Variants in ULK4 observed in about 807,000 individuals in gnomAD.
ULK4 encodes the protein inactive serine/threonine-protein kinase ULK4.
ULK4 carries 133 observed loss-of-function variants against 160.6 expected under a neutral mutation model. That is an observed-to-expected ratio of 0.83 (90% CI 0.72 to 0.96). ULK4 has a LOEUF of 0.96. ULK4 is among the 40% of genes least tolerant of loss of function. The pLI is 0.00. For synonymous variants in ULK4, 534 were observed against 539.8 expected (o/e 0.99, Z 0.15); for missense variants, 1,580 against 1,499.5 (o/e 1.05, Z -0.89).
chr3:41,294,296 T>C (rs1380194573), intron 35 of ULK4, among the ~76,000 whole-genome samples: 2 of 152,212 alleles, frequency 1.3e-5, no homozygotes, highest in Non-Finnish European at 2.9e-5. Context: ...CAAGGTGCCA[T>C]CTTGGAAGCA....
intron 17 of ULK4, chr3:41,882,369 T>C: frequency 1.5e-6 from 1 of 685,812 alleles, no homozygotes; most frequent in Non-Finnish European, 2.6e-6. Context: ...GGTTTGGAAA[T>C]TACAGGGTGG....
chr3:41,393,548 T>C (rs1172893315), intron 35 of ULK4, among the ~76,000 whole-genome samples: 4 of 152,132 alleles, frequency 2.6e-5, no homozygotes, highest in South Asian at 4.1e-4. Flanking sequence ...AAATGACTGT[T>C]CCGTCGGAAC....
intron 30 of ULK4, among the ~76,000 whole-genome samples, chr3:41,618,745 T>G (rs904876812): frequency 2.0e-5 from 3 of 152,122 alleles, no homozygotes; most frequent in Non-Finnish European, 2.9e-5. Context: ...GCTAGCATCA[T>G]GATGACAGGA....
At chr3:41,959,363 C>CA (rs5848611) in intron 1 of ULK4, among the ~76,000 whole-genome samples, 94,344 of 133,020 alleles carry the variant, frequency 0.71, 35,427 homozygotes, top group East Asian at 0.83. Flanking sequence ...GATTCCATCT[C>CA]AAAAAAAAAA....
At chr3:41,431,206 G>C (rs928219403) in intron 34 of ULK4, among the ~76,000 whole-genome samples, 3 of 151,946 alleles carry the variant, frequency 2.0e-5, no homozygotes, top group African/African-American at 7.2e-5. Context: ...AAATTAGCTG[G>C]GCGTAGTGAG....
chr3:41,360,078 G>GA (rs748096237), intron 35 of ULK4, among the ~76,000 whole-genome samples: 19 of 150,666 alleles, frequency 1.3e-4, no homozygotes, highest in East Asian at 2.0e-4. Context: ...ACATTTACAG[G>GA]AAAAAAAACC....
intron 31 of ULK4, among the ~76,000 whole-genome samples, chr3:41,610,071 C>T (rs1028027535): frequency 5.3e-5 from 8 of 150,404 alleles, no homozygotes; most frequent in African/African-American, 2.0e-4. Context: ...GGCTGGAATG[C>T]AGTGGCGTGA....
In ULK4 at chr3:41,390,495, C is replaced by T. The variant is rs567105456; in HGVS notation, c.3678+7584G>A. On this transcript the variant is annotated intron_variant, in intron 35 of 36. Coordinates refer to ENST00000301831, the MANE Select transcript of ULK4 (RefSeq NM_017886.4). ...TTTGGATCTTTCCTGCTTTCTCTTA[C>T]GGGCATTTAGTGCTATAAATTTCCC... 3.7e-3 allele frequency among the ~76,000 whole-genome samples: 563 copies of T among 151,992 alleles called. 2 individuals carry two copies. The highest frequency in any genetic ancestry group is 0.013 in the African/African-American group (521 of 41,488).
chr3:41,293,298 A>G (rs1328421374), intron 35 of ULK4, among the ~76,000 whole-genome samples: 1 of 152,190 alleles, frequency 6.6e-6, no homozygotes, highest in Non-Finnish European at 1.5e-5. Flanking sequence ...AAAAAACATG[A>G]AAAACAAAGC....
intron 35 of ULK4, among the ~76,000 whole-genome samples, chr3:41,275,239 T>C (rs1475187561): frequency 2.0e-5 from 3 of 152,250 alleles, no homozygotes; most frequent in African/African-American, 4.8e-5. Flanking sequence ...GGATCAGTGA[T>C]CCATTACTAC....
chr3:41,406,926 A>G (rs1376315553), intron 34 of ULK4, among the ~76,000 whole-genome samples: 1 of 152,138 alleles, frequency 6.6e-6, no homozygotes, highest in Admixed American at 6.6e-5. Context: ...GAGGTCTCCT[A>G]TTTTCCCAGA....
intron 35 of ULK4, among the ~76,000 whole-genome samples, chr3:41,266,711 A>G (rs2079040939): frequency 6.6e-6 from 1 of 152,184 alleles, no homozygotes; most frequent in African/African-American, 2.4e-5. Context: ...GTTCAAATTC[A>G]AAGGTATTCT....
At chr3:41,343,423 G>A (rs1213465108) in intron 35 of ULK4, among the ~76,000 whole-genome samples, 2 of 147,316 alleles carry the variant, frequency 1.4e-5, no homozygotes, top group East Asian at 4.0e-4. Context: ...TCCTGCCTCA[G>A]TCTCCTGGGT....
chr3:41,599,432 G>T (rs1244380820), intron 31 of ULK4, among the ~76,000 whole-genome samples: 3 of 152,168 alleles, frequency 2.0e-5, no homozygotes, highest in Non-Finnish European at 2.9e-5. Context: ...ACAGGTTTCA[G>T]GGATTAGGGC....
intron 31 of ULK4, among the ~76,000 whole-genome samples, chr3:41,588,842 A>G (rs2031033325): frequency 6.6e-6 from 1 of 152,200 alleles, no homozygotes; most frequent in African/African-American, 2.4e-5. Flanking sequence ...AGAAAACAAA[A>G]TCAATGAAGT....
At chr3:41,305,793 G>A (rs866898770) in intron 35 of ULK4, among the ~76,000 whole-genome samples, 30 of 149,078 alleles carry the variant, frequency 2.0e-4, no homozygotes, top group Non-Finnish European at 3.5e-4. Context: ...CTTCCCGGCC[G>A]CCATCACATC....
At chr3:41,277,066 C>T (rs1236181503) in intron 35 of ULK4, among the ~76,000 whole-genome samples, 1 of 152,018 alleles carries the variant, frequency 6.6e-6, no homozygotes, top group Non-Finnish European at 1.5e-5. Context: ...ACTAGATACC[C>T]TGAAAAGACC....
At chr3:41,587,257 C>A (rs1443629279) in intron 31 of ULK4, among the ~76,000 whole-genome samples, 1 of 152,156 alleles carries the variant, frequency 6.6e-6, no homozygotes, top group Non-Finnish European at 1.5e-5. Flanking sequence ...CTCTGGCATT[C>A]ATTCCTTCTC....
intron 21 of ULK4, among the ~76,000 whole-genome samples, chr3:41,768,283 T>A (rs894285571): frequency 6.6e-6 from 1 of 152,172 alleles, no homozygotes; most frequent in Non-Finnish European, 1.5e-5. Flanking sequence ...TATTTTAACA[T>A]CTAATAACAA....
Sources: allele counts gnomAD v4.1 joint callset (sites outside exome capture counted in the v4.1 genomes callset), GRCh38; gene constraint gnomAD v4.1.1; transcripts MANE v1.5; gene names NCBI Gene and HGNC (gene_info 2026-07-23, HGNC 2026-07-21).